BAIAP3: variants seen among roughly 807,000 people sequenced by gnomAD.
The protein encoded by BAIAP3 is BAI1-associated protein 3.
In BAIAP3, 180 loss-of-function variants were observed where a neutral mutation model predicts 149.7. That is an observed-to-expected ratio of 1.20 (90% confidence interval 1.07 to 1.36). BAIAP3 has a LOEUF of 1.36. Among genes scored for constraint, BAIAP3 ranks in the 40% most tolerant of loss-of-function variants. BAIAP3 has a pLI of 0.00. For missense variants in BAIAP3, 1,767 were observed against 1,563.4 expected (o/e 1.13, Z -2.20); for synonymous variants, 845 against 670.7 (o/e 1.26, Z -4.02).
rs1349605446 is a variant in BAIAP3 at position 1,342,182 on chromosome 16, T to C, written c.856T>C (p.Tyr286His). 5 of 1,598,194 alleles carry C rather than the reference T, an allele frequency of 3.1e-6. No individual in the cohort carries two copies. Among genetic ancestry groups the C allele is most frequent in the East Asian group, 4.5e-5 (2 of 44,578 alleles). Residue 286 changes from tyrosine to histidine, a missense_variant and splice_region_variant, in exon 11 of 34, where the codon TAC (tyrosine) becomes CAC (histidine). Coordinates refer to ENST00000426824, the MANE Select transcript of BAIAP3 (RefSeq NM_001199097.2). ...ATGCTCACCACCTGTGGTGGCCAGG[T>C]ACTTCAAACAGATCGTCAAGTCAGC... ...EVIGLKGMGR[Y>H]FKQIVKSARA...
chr16:1,347,772 G>C lies in BAIAP3; in HGVS notation c.2976G>C (p.Leu992=). Residue 992 remains leucine, a synonymous_variant, in exon 31 of 34, where the codon CTG becomes CTC. Coordinates refer to ENST00000426824, the MANE Select transcript of BAIAP3 (RefSeq NM_001199097.2). The part of the protein sequence containing the change: ...RCHYEAAEQR[L]AVEVLHAADL... ...ATTACGAGGCGGCTGAGCAGCGGCT[G>C]GCCGTGGAGGTGCTGCACGCCGCGG... is the stretch of plus-strand genomic sequence containing the variant. 1 of 1,609,476 alleles carries C rather than the reference G, an allele frequency of 6.2e-7. No homozygotes were observed. Among genetic ancestry groups the C allele is most frequent in the Non-Finnish European group, 8.5e-7 (1 of 1,177,474 alleles).
At chr16:1,336,405 T>TC (rs963513821) in intron 1 of BAIAP3, 35 of 982,504 alleles carry the variant, frequency 3.6e-5, no homozygotes, top group Non-Finnish European at 2.1e-5. Context: ...AGGAGGTGAG[T>TC]CCCCCCCGCA....
chr16:1,339,708 C>G, intron 5 of BAIAP3, 105 bp downstream of exon 5: 3 of 914,440 alleles, frequency 3.3e-6, no homozygotes, highest in Non-Finnish European at 3.4e-6. Flanking sequence ...AGAATCTCCC[C>G]GATCCGTGCA....
intron 1 of BAIAP3, among the ~76,000 whole-genome samples, chr16:1,335,079 A>G (rs1438305689): frequency 6.6e-6 from 1 of 152,078 alleles, no homozygotes; most frequent in Non-Finnish European, 1.5e-5. Flanking sequence ...ACTGCCCCCA[A>G]CCCTGAGCCC....
intron 28 of BAIAP3, 96 bp from the exon 29 acceptor site, chr16:1,347,202 C>T (rs2034436399): frequency 7.8e-7 from 1 of 1,289,490 alleles, no homozygotes; most frequent in South Asian, 1.4e-5. Context: ...CTGCTGAGCC[C>T]CCAGTGCTGC....
rs1298233273 is a variant in BAIAP3, at chr16:1,342,315, T to G, written c.957+32T>G. On this transcript the variant is annotated intron_variant, in intron 11 of 33. Transcript: ENST00000426824. ...GGGTGTGGGGTGGGGCTGGTGACAC[T>G]TAGAGAAGGGCCTGGGGAGTGTCCC... 3.1e-6 allele frequency: 5 copies of G among 1,599,550 alleles called. No individual in the cohort carries two copies. In the South Asian group the frequency reaches 5.5e-5, roughly 18 times the overall value.
At position 1,343,484 on chromosome 16, in the gene BAIAP3, G is replaced by A. The variant is rs1420086250; in HGVS notation, c.1357G>A (p.Glu453Lys). 1 of 1,605,026 alleles carries A rather than the reference G, an allele frequency of 6.2e-7. No individual in the cohort carries two copies. The highest frequency in any genetic ancestry group is 1.7e-5 in the Admixed American group (1 of 59,034). Residue 453 changes from glutamate (E) to lysine (K), a missense_variant, in exon 15 of 34, where the codon GAA (glutamate) becomes AAA (lysine). Transcript: ENST00000426824. Reference protein sequence around the residue: ...GLLEDMQAHWEEAPSLPQEQE... With the variant: ...GLLEDMQAHWKEAPSLPQEQE... ...GCTGGAGGACATGCAGGCACACTGG[G>A]AAGAGGCTCCTTCACTGCCCCAGGA...
rs1029994766 is a variant in BAIAP3, at chr16:1,349,393, A to G, written c.*911A>G. The G allele has an allele frequency of 6.2e-7, 1 of 1,611,444 alleles. No individual in the cohort carries two copies. The highest frequency in any genetic ancestry group is 8.5e-7 in the Non-Finnish European group (1 of 1,178,400). Reference sequence around the variant, plus strand: ...CCATTTATGTCCCTCATGTCTCTAGATTTTCTCGTCACCCAGCCTCAAAAA... The same window carrying G: ...CCATTTATGTCCCTCATGTCTCTAGGTTTTCTCGTCACCCAGCCTCAAAAA... On this transcript the variant is annotated 3_prime_UTR_variant, in exon 34 of 34. Transcript: ENST00000426824.
Position 1,341,784 on chromosome 16 carries a change from G to T in BAIAP3, c.732-38G>T, listed in dbSNP as rs779406653. ...CTGACCCCGGCCTGGGCAGAGCCTC[G>T]CCGGGGACCCTCATGGGCATCTCTG... On this transcript the variant is annotated intron_variant, in intron 8 of 33. Coordinates refer to ENST00000426824, the MANE Select transcript of BAIAP3 (RefSeq NM_001199097.2). The T allele has an allele frequency of 2.5e-6, 4 of 1,602,388 alleles. No homozygotes were observed. The South Asian group carries it at 3.4e-5, about 13-fold the overall frequency.
intron 1 of BAIAP3, 75 bp from the exon 2 acceptor site, chr16:1,338,465 C>CCA: frequency 3.4e-6 from 1 of 292,448 alleles, no homozygotes; most frequent in Non-Finnish European, 5.5e-6. Context: ...CCCACCCCCC[C>CCA]ACCCCCCCGC....
chr16:1,334,472 T>A, intron 1 of BAIAP3: 3 of 542,164 alleles, frequency 5.5e-6, no homozygotes, highest in Non-Finnish European at 9.8e-6. Context: ...AGGGAGGGGG[T>A]CGGTGAGCAG....
intron 5 of BAIAP3, 126 bp from the exon 6 acceptor site, chr16:1,340,796 C>G: frequency 9.6e-7 from 1 of 1,044,970 alleles, no homozygotes; most frequent in Non-Finnish European, 1.4e-6. Context: ...CCAGGCTTCC[C>G]CCAACCCTGC....
In BAIAP3 at chr16:1,343,376, T is replaced by A. The variant is rs556414956; in HGVS notation, c.1266-17T>A. On this transcript the variant is annotated splice_polypyrimidine_tract_variant and intron_variant, in intron 14 of 33. Coordinates refer to ENST00000426824, the MANE Select transcript of BAIAP3 (RefSeq NM_001199097.2). ...GGGCGGGGTTCATACCCTTTGACCA[T>A]GGGCCGGGCCCCACAGGCACTGGCA... 1.8e-4 allele frequency: 285 copies of A among 1,576,552 alleles called. 3 individuals are homozygous for A. Among genetic ancestry groups the A allele is most frequent in the South Asian group, 1.6e-3 (143 of 86,874 alleles).
At chr16:1,343,651 G>C in intron 15 of BAIAP3, 138 bp downstream of exon 15, 2 of 1,342,202 alleles carry the variant, frequency 1.5e-6, no homozygotes, top group Non-Finnish European at 2.0e-6. Flanking sequence ...TATGACGTGG[G>C]CGAGAGCCAG....
intron 5 of BAIAP3, 88 bp from the exon 6 acceptor site, chr16:1,340,834 G>C: frequency 4.3e-6 from 6 of 1,411,174 alleles, no homozygotes; most frequent in Non-Finnish European, 5.9e-6. Context: ...TTGGGTGTCT[G>C]TGACGGGCTG....
intron 14 of BAIAP3, 50 bp downstream of exon 14, chr16:1,343,066 G>A (rs1213975378): frequency 2.5e-5 from 38 of 1,532,114 alleles, no homozygotes; most frequent in Non-Finnish European, 2.9e-5. Context: ...GGGCGTGAGC[G>A]AGTGGGGCAT....
In BAIAP3 at chr16:1,344,344, G is replaced by C. The variant is rs375924108; in HGVS notation, c.1602+27G>C. 3.0e-5 allele frequency: 48 copies of C among 1,612,956 alleles called. No homozygotes were observed. In the African/African-American group the frequency reaches 4.0e-4, roughly 13 times the overall value. On this transcript the variant is annotated intron_variant, in intron 17 of 33. Coordinates refer to ENST00000426824, the MANE Select transcript of BAIAP3 (RefSeq NM_001199097.2). ...TGTGTTCCAAAGCCCAGTGGAGGCC[G>C]GCTGCTAAGCCCTCCCTTCCCCTTC...
Position 1,348,177 on chromosome 16 carries a change from C to T in BAIAP3, c.3231C>T (p.Asn1077=), listed in dbSNP as rs763805991. ...TVMDHDWLST[N]DFAGEAALGL... ...TGGACCACGACTGGCTGTCCACCAA[C>T]GACTTCGCTGGGGAGGCGGCCCTCG... is the stretch of plus-strand genomic sequence containing the variant. The change falls in exon 33 of 34, where the codon AAC becomes AAT. Residue 1077 remains asparagine, a synonymous_variant. Transcript: ENST00000426824. 21 of 1,609,064 alleles carry T rather than the reference C, an allele frequency of 1.3e-5. No homozygotes were observed. The highest frequency in any genetic ancestry group is 5.5e-5 in the South Asian group (5 of 91,078).
intron 1 of BAIAP3, among the ~76,000 whole-genome samples, 191 bp downstream of exon 1, chr16:1,333,940 G>C (rs1163096782): frequency 6.6e-6 from 1 of 152,100 alleles, no homozygotes; most frequent in East Asian, 1.9e-4. Context: ...CTGAGGCCGC[G>C]CATGCTTGGA....
Sources: gnomAD v4.1 joint callset for allele counts (sites outside exome capture counted in the v4.1 genomes callset) on GRCh38, gnomAD v4.1.1 for gene constraint, MANE v1.5 for transcripts, NCBI Gene and HGNC (gene_info 2026-07-23, HGNC 2026-07-21) for gene names.